The following DCDC2 variants were observed in gnomAD, a reference collection of about 807,000 sequenced individuals.
DCDC2 encodes the protein doublecortin domain containing 2.
DCDC2 carries 40 observed loss-of-function variants against 50.2 expected under a neutral mutation model. The observed-to-expected ratio is 0.80, with a 90% CI of 0.62 to 1.04. The LOEUF (loss-of-function observed/expected upper bound fraction) is 1.04, where lower values mean the gene tolerates loss of function less well. DCDC2 is among the 50% of genes least tolerant of loss of function. The pLI, the probability that DCDC2 is intolerant of heterozygous loss-of-function variation, is 0.00. For synonymous variants in DCDC2, 234 were observed against 210.6 expected, an observed-to-expected ratio of 1.11 and a Z score of -0.96; for missense variants, 570 against 581.9, an observed-to-expected ratio of 0.98 and a Z score of 0.21.
At chr6:24,342,083 G>C (rs1309754081) in intron 2 of DCDC2, among the ~76,000 whole-genome samples, 1 of 152,068 alleles carries the variant, frequency 6.6e-6, no homozygotes, top group African/African-American at 2.4e-5. Flanking sequence ...TTCATATACT[G>C]GTTTCTTATT....
intron 7 of DCDC2, among the ~76,000 whole-genome samples, chr6:24,222,670 T>C (rs2113776729): frequency 6.6e-6 from 1 of 152,324 alleles, no homozygotes; most frequent in East Asian, 1.9e-4. Context: ...TGAAAAACCA[T>C]CTGTTTTCCT....
At chr6:24,372,938 G>A in the DCDC2 span, among the ~76,000 whole-genome samples, 2 of 151,730 alleles carry the variant, frequency 1.3e-5, no homozygotes. Flanking sequence ...ACAAAAAAAA[G>A]AAAAAAACAT....
chr6:24,310,539 C>T (rs931698718), intron 2 of DCDC2, among the ~76,000 whole-genome samples: 6 of 152,074 alleles, frequency 3.9e-5, no homozygotes, highest in Non-Finnish European at 1.5e-5. Context: ...TCTGCCTTCC[C>T]GGCTTTTAAC....
intron 8 of DCDC2, among the ~76,000 whole-genome samples, chr6:24,182,382 T>C (rs1416124632): frequency 6.6e-6 from 1 of 151,970 alleles, no homozygotes; most frequent in African/African-American, 2.4e-5. Flanking sequence ...ACCCATAGAA[T>C]GGGAGGCAAT....
At chr6:24,238,870 A>G (rs1000156257) in intron 7 of DCDC2, among the ~76,000 whole-genome samples, 16 of 152,306 alleles carry the variant, frequency 1.1e-4, no homozygotes, top group African/African-American at 3.8e-4. Context: ...TCATTTTCAG[A>G]GCAATAGAAA....
intron 2 of DCDC2, among the ~76,000 whole-genome samples, chr6:24,323,115 C>A (rs1464524581): frequency 6.6e-6 from 1 of 152,208 alleles, no homozygotes; most frequent in African/African-American, 2.4e-5. Context: ...GAGGCCGAGG[C>A]AGGAGGATCA....
intron 8 of DCDC2, among the ~76,000 whole-genome samples, chr6:24,197,149 T>C (rs1761462074): frequency 6.6e-6 from 1 of 152,202 alleles, no homozygotes. Context: ...AATCTGTTTC[T>C]CAGTATCTCC....
At chr6:24,184,920 A>G (rs1212858496) in intron 8 of DCDC2, among the ~76,000 whole-genome samples, 1 of 152,146 alleles carries the variant, frequency 6.6e-6, no homozygotes, top group Admixed American at 6.5e-5. Context: ...AAAACTCATA[A>G]TTTACTGTAA....
At chr6:24,321,581 A>C (rs1759774914) in intron 2 of DCDC2, among the ~76,000 whole-genome samples, 1 of 152,210 alleles carries the variant, frequency 6.6e-6, no homozygotes, top group Non-Finnish European at 1.5e-5. Context: ...GAGTATAAGT[A>C]CTTTGTCCTC....
chr6:24,359,511 A>ATT (rs1345108837), upstream of DCDC2, among the ~76,000 whole-genome samples: 3 of 100,816 alleles, frequency 3.0e-5, no homozygotes, highest in Non-Finnish European at 5.5e-5. Flanking sequence ...TATTTTATAT[A>ATT]TTATATATAT....
At chr6:24,214,162 T>G (rs1761930538) in intron 7 of DCDC2, among the ~76,000 whole-genome samples, 1 of 152,238 alleles carries the variant, frequency 6.6e-6, no homozygotes, top group African/African-American at 2.4e-5. Context: ...ATTTGGCTTC[T>G]TTCTATTCTC....
intron 8 of DCDC2, among the ~76,000 whole-genome samples, chr6:24,197,195 G>C (rs1358427569): frequency 6.6e-6 from 1 of 152,158 alleles, no homozygotes; most frequent in Non-Finnish European, 1.5e-5. Context: ...GCACTCACAA[G>C]TTAAATAAGA....
intron 8 of DCDC2, among the ~76,000 whole-genome samples, chr6:24,198,316 T>C (rs1761492674): frequency 6.6e-6 from 1 of 152,134 alleles, no homozygotes. Flanking sequence ...CTCATCTCAT[T>C]GGGACTGGTT....
intron 2 of DCDC2, among the ~76,000 whole-genome samples, chr6:24,351,800 C>A (rs9467121): frequency 0.4 from 60,121 of 152,070 alleles, 12,859 homozygotes; most frequent in African/African-American, 0.56. Context: ...GTGAATGCTT[C>A]TGTTATTAAA....
intron 4 of DCDC2, 34 bp downstream of exon 4, chr6:24,301,681 A>T: frequency 6.2e-7 from 1 of 1,607,322 alleles, no homozygotes; most frequent in African/African-American, 1.3e-5. Context: ...AACAATTCAA[A>T]AACTCCTCCA....
intron 4 of DCDC2, among the ~76,000 whole-genome samples, chr6:24,298,493 A>G (rs536694156): frequency 6.6e-6 from 1 of 152,238 alleles, no homozygotes; most frequent in Non-Finnish European, 1.5e-5. Flanking sequence ...CTTGAATCCC[A>G]GCCCTGCTAC....
chr6:24,236,586 C>T (rs1253708739), intron 7 of DCDC2, among the ~76,000 whole-genome samples: 4 of 152,106 alleles, frequency 2.6e-5, no homozygotes, highest in African/African-American at 4.8e-5. Context: ...ACCAAAGAAA[C>T]TATCAACAGA....
intron 2 of DCDC2, among the ~76,000 whole-genome samples, chr6:24,328,149 C>T (rs572270991): frequency 6.6e-6 from 1 of 152,340 alleles, no homozygotes; most frequent in East Asian, 1.9e-4. Flanking sequence ...CAAGGGCATA[C>T]ATCTCCTCTG....
At chr6:24,214,833 A>G (rs1345154535) in intron 7 of DCDC2, among the ~76,000 whole-genome samples, 1 of 151,950 alleles carries the variant, frequency 6.6e-6, no homozygotes, top group Non-Finnish European at 1.5e-5. Context: ...CGCTAGATTT[A>G]TCATCATAAC....
Sources: gnomAD v4.1 joint callset for allele counts (sites outside exome capture counted in the v4.1 genomes callset) on GRCh38, gnomAD v4.1.1 for gene constraint, MANE v1.5 for transcripts, NCBI Gene and HGNC (gene_info 2026-07-23, HGNC 2026-07-21) for gene names.